The following UBE2K variants were observed in gnomAD, a reference collection of about 807,000 sequenced individuals.
The protein encoded by UBE2K is ubiquitin conjugating enzyme E2 K, also known as ubiquitin-conjugating enzyme E2 K.
UBE2K carries 6 observed loss-of-function variants against 30.0 expected under a neutral mutation model. That is an observed-to-expected ratio of 0.20 (90% CI 0.11 to 0.39). The LOEUF is 0.39. Among genes scored for constraint, UBE2K ranks in the 10% least tolerant of loss-of-function variants. UBE2K has a pLI of 1.00. For missense variants in UBE2K, 61 were observed against 241.6 expected (o/e 0.25, Z 4.96); for synonymous variants, 86 against 83.7 (o/e 1.03, Z -0.15).
chr4:39,703,909 C>T (rs1046097199), intron 1 of UBE2K, among the ~76,000 whole-genome samples: 1 of 149,892 alleles, frequency 6.7e-6, no homozygotes, highest in Non-Finnish European at 1.5e-5. Context: ...GATAATTTAT[C>T]TAAAGAATAA....
At chr4:39,755,835 T>A in intron 4 of UBE2K, 96 bp downstream of exon 4, 2 of 858,268 alleles carry the variant, frequency 2.3e-6, no homozygotes, top group East Asian at 5.8e-5. Flanking sequence ...TATATTATAC[T>A]TTATCTTGTT....
chr4:39,773,217 C>A (rs1269607025), intron 4 of UBE2K, among the ~76,000 whole-genome samples: 1 of 151,712 alleles, frequency 6.6e-6, no homozygotes, highest in African/African-American at 2.4e-5. Flanking sequence ...AGCCTGTAAT[C>A]CCAGCATTTT....
At chr4:39,770,446 G>GGCACTTGGT in intron 4 of UBE2K, 1 of 1,611,810 alleles carries the variant, frequency 6.2e-7, no homozygotes, top group Non-Finnish European at 8.5e-7. Context: ...AACACTTCCG[G>GGCACTTGGT]GCACTTGGTG....
chr4:39,746,485 C>T lies in UBE2K; in HGVS notation c.216+675C>T, dbSNP rs575308126. 1.1e-4 allele frequency among the ~76,000 whole-genome samples: 17 copies of T among 152,264 alleles called. No homozygotes were observed. In the East Asian group the frequency reaches 2.5e-3, roughly 22 times the overall value. ...TATTTAATCACCCTTCCATCTTTTCCATTTCTACTCATTCTCTGCACTGTT... is the reference window on the plus strand; with the variant it reads ...TATTTAATCACCCTTCCATCTTTTCTATTTCTACTCATTCTCTGCACTGTT... On this transcript the variant is annotated intron_variant, in intron 3 of 6. Transcript: ENST00000261427.
chr4:39,756,109 G>A (rs1431401019), intron 4 of UBE2K, among the ~76,000 whole-genome samples: 2 of 152,334 alleles, frequency 1.3e-5, no homozygotes, highest in East Asian at 3.9e-4. Context: ...CAAAATTGTT[G>A]CAGGTTGTGT....
intron 4 of UBE2K, among the ~76,000 whole-genome samples, chr4:39,756,844 T>C (rs1226008974): frequency 6.6e-6 from 1 of 152,106 alleles, no homozygotes; most frequent in Non-Finnish European, 1.5e-5. Context: ...TTTTACTCTT[T>C]TACAAGAGAA....
chr4:39,770,785 C>A, intron 4 of UBE2K: 1 of 1,578,752 alleles, frequency 6.3e-7, no homozygotes, highest in Non-Finnish European at 8.6e-7. Flanking sequence ...AGCCGGTGTG[C>A]GATGTCCAGG....
intron 1 of UBE2K, among the ~76,000 whole-genome samples, chr4:39,724,649 G>A (rs1479264850): frequency 1.3e-5 from 2 of 150,450 alleles, no homozygotes; most frequent in Non-Finnish European, 3.0e-5. Context: ...CATGCCTGTA[G>A]GCCCAGCTAC....
chr4:39,749,908 A>G (rs1429306679), intron 3 of UBE2K, among the ~76,000 whole-genome samples: 1 of 152,166 alleles, frequency 6.6e-6, no homozygotes, highest in Non-Finnish European at 1.5e-5. Context: ...ATAAATAAAA[A>G]TAAGATACGG....
chr4:39,711,163 CTTTTT>C (rs34401637), intron 1 of UBE2K, among the ~76,000 whole-genome samples: 1 of 122,136 alleles, frequency 8.2e-6, no homozygotes. Context: ...AACTTTTTCT[CTTTTT>C]TTTTTTTTTT....
chr4:39,730,043 T>A (rs1364643381), intron 1 of UBE2K, among the ~76,000 whole-genome samples: 1 of 152,256 alleles, frequency 6.6e-6, no homozygotes, highest in Admixed American at 6.5e-5. Flanking sequence ...TAGAGAAAAT[T>A]TCTAGTTGAT....
intron 1 of UBE2K, among the ~76,000 whole-genome samples, chr4:39,718,043 A>G (rs1719195041): frequency 6.6e-6 from 1 of 150,628 alleles, no homozygotes; most frequent in South Asian, 2.1e-4. Flanking sequence ...CAAAAGAACA[A>G]AGCTTCCACA....
At chr4:39,778,097 CAAAAAAAAAAAAAAA>C (rs36215155) in intron 6 of UBE2K, among the ~76,000 whole-genome samples, 2 of 51,736 alleles carry the variant, frequency 3.9e-5, no homozygotes, top group Admixed American at 3.0e-4. Flanking sequence ...GACCCTGTCT[CAAAAAAAAAAAAAAA>C]AAAAAAAAAA....
At chr4:39,733,348 T>TTC (rs1720183483) in intron 1 of UBE2K, among the ~76,000 whole-genome samples, 1 of 151,004 alleles carries the variant, frequency 6.6e-6, no homozygotes, top group South Asian at 2.1e-4. Flanking sequence ...TTTTTTTTTT[T>TTC]TTTGAGACAG....
chr4:39,725,953 A>G (rs569087363), intron 1 of UBE2K, among the ~76,000 whole-genome samples: 13 of 151,464 alleles, frequency 8.6e-5, no homozygotes, highest in Admixed American at 7.9e-4. Flanking sequence ...TTTTTTTTTA[A>G]AATAGTATTG....
chr4:39,743,251 T>C (rs1024939810), intron 2 of UBE2K, among the ~76,000 whole-genome samples: 1 of 152,146 alleles, frequency 6.6e-6, no homozygotes, highest in Non-Finnish European at 1.5e-5. Flanking sequence ...TTGAAGATAA[T>C]GTTCCTAGCA....
rs993096736 is a variant in UBE2K, at chr4:39,780,485, A to G, written c.*2051A>G. 3.3e-5 allele frequency: 5 copies of G among 152,126 alleles called. No individual in the cohort carries two copies. Among genetic ancestry groups the G allele is most frequent in the Non-Finnish European group, 5.9e-5 (4 of 67,988 alleles). The allele number at this position is 152,126 out of a possible 1,614,324, so 9.4% of individuals were successfully genotyped here. A position where few individuals can be genotyped will look rare whatever the true frequency, so the allele number is the denominator to read the frequency against. ...AAGGTCAAGCATTTTACATATATAC[A>G]TACATACATGCTCTTGGAGGCAGCT... is the stretch of plus-strand genomic sequence containing the variant. On this transcript the variant is annotated 3_prime_UTR_variant, in exon 7 of 7. Coordinates refer to ENST00000261427, the MANE Select transcript of UBE2K (RefSeq NM_005339.5).
rs540428731 is a variant in UBE2K, at chr4:39,719,926, A to G, written c.64-17494A>G. On this transcript the variant is annotated intron_variant, in intron 1 of 6. Coordinates refer to ENST00000261427, the MANE Select transcript of UBE2K (RefSeq NM_005339.5). ...TGAAAGTGATACATACTGAGTGGTC[A>G]TTGAGTGTTGGATGAAATTTTAGGT... Among the ~76,000 whole-genome samples, 8 of 152,320 alleles carry G rather than the reference A, an allele frequency of 5.3e-5. No homozygotes were observed. In the East Asian group the frequency reaches 1.2e-3, roughly 22 times the overall value.
rs1390467640 is a variant in UBE2K, at chr4:39,698,160, G to A, written c.-168G>A. 8.6e-6 allele frequency: 6 copies of A among 695,960 alleles called. No homozygotes were observed. The highest frequency in any genetic ancestry group is 1.5e-5 in the Non-Finnish European group (6 of 389,416). The allele number at this position is 695,960 out of a possible 1,614,324, so 43.1% of individuals were successfully genotyped here. ...CGCCATTTTGGTGGCCGGGCGCGGA[G>A]GTGATTCCACACTGAGGCGAGCGCG... On this transcript the variant is annotated 5_prime_UTR_variant, in exon 1 of 7. Transcript: ENST00000261427.
Sources: gnomAD v4.1 joint callset for allele counts (sites outside exome capture counted in the v4.1 genomes callset) on GRCh38, gnomAD v4.1.1 for gene constraint, MANE v1.5 for transcripts, NCBI Gene and HGNC (gene_info 2026-07-23, HGNC 2026-07-21) for gene names.